Variants in DLG2 observed in about 807,000 individuals in gnomAD.
The protein encoded by DLG2 is disks large homolog 2.
In DLG2, 45 loss-of-function variants were observed where a neutral mutation model predicts 132.5. The ratio of observed to expected loss-of-function variants is 0.34; its 90% CI spans 0.27 to 0.44. The LOEUF is 0.44. Ranked by LOEUF, DLG2 falls within the 20% of genes least tolerant of loss-of-function variation. The pLI, the probability that DLG2 is intolerant of heterozygous loss-of-function variation, is 1.00. For synonymous variants in DLG2, 424 were observed against 419.6 expected, an observed-to-expected ratio of 1.01 and a Z score of -0.13; for missense variants, 1,045 against 1,196.9, an observed-to-expected ratio of 0.87 and a Z score of 1.87.
chr11:84,302,802 G>C (rs767866006), intron 7 of DLG2, among the ~76,000 whole-genome samples: 2 of 151,876 alleles, frequency 1.3e-5, no homozygotes, highest in Non-Finnish European at 2.9e-5. Flanking sequence ...AAAATAAAAC[G>C]TGGGCCAGGC....
chr11:83,765,316 G>T (rs1318216053), intron 18 of DLG2, among the ~76,000 whole-genome samples: 1 of 152,130 alleles, frequency 6.6e-6, no homozygotes, highest in East Asian at 1.9e-4. Context: ...AGAAATTACT[G>T]CTAGAGGAAT....
In DLG2 at chr11:84,821,647, AC is replaced by A. The variant is rs761945669; in HGVS notation, c.358-286917del. Among the ~76,000 whole-genome samples, 230 of 104,660 alleles carry A rather than the reference AC, an allele frequency of 2.2e-3. 1 individual carries two copies. Among genetic ancestry groups the A allele is most frequent in the Middle Eastern group, 0.015 (3 of 194 alleles). The allele number at this position is 104,660 out of a possible 152,430, so 68.7% of individuals were successfully genotyped here. A position where few individuals can be genotyped will look rare whatever the true frequency, so the allele number is the denominator to read the frequency against. ...CAATGTAAAAAAAAAAAAAACAACA[AC>A]AACAAAAAAAACAAAAAAACAACTT... On this transcript the variant is annotated intron_variant, in intron 6 of 27. Transcript: ENST00000376104.
rs550473299 is a variant in DLG2 at position 84,362,856 on chromosome 11, T to C, written c.520-111565A>G. Among the ~76,000 whole-genome samples the C allele has an allele frequency of 1.4e-4, 22 of 152,350 alleles. No homozygotes were observed. The South Asian group carries it at 4.6e-3, about 32-fold the overall frequency. On this transcript the variant is annotated intron_variant, in intron 7 of 27. Coordinates refer to ENST00000376104, the MANE Select transcript of DLG2 (RefSeq NM_001142699.3). Reference sequence around the variant, plus strand: ...ACATGAACTCATCATTTTTGATGGCTGCATAGTATTCCATGGTGTATATGT... The same window carrying C: ...ACATGAACTCATCATTTTTGATGGCCGCATAGTATTCCATGGTGTATATGT...
chr11:83,667,310 G>A (rs1216150443), intron 18 of DLG2, among the ~76,000 whole-genome samples: 2 of 152,076 alleles, frequency 1.3e-5, no homozygotes, highest in African/African-American at 2.4e-5. Context: ...TCCTACCTAC[G>A]CTTATTATAG....
intron 7 of DLG2, among the ~76,000 whole-genome samples, chr11:84,439,027 T>C (rs2099009666): frequency 6.6e-6 from 1 of 152,200 alleles, no homozygotes; most frequent in African/African-American, 2.4e-5. Flanking sequence ...AATACCCTCA[T>C]AGGCAATTGG....
At chr11:84,296,806 T>G (rs2098094793) in intron 7 of DLG2, among the ~76,000 whole-genome samples, 1 of 152,140 alleles carries the variant, frequency 6.6e-6, no homozygotes. Flanking sequence ...ATTTTTTCAG[T>G]AGGGTGAATT....
intron 9 of DLG2, among the ~76,000 whole-genome samples, chr11:84,116,984 C>G (rs776659669): frequency 6.6e-6 from 1 of 152,190 alleles, no homozygotes; most frequent in Non-Finnish European, 1.5e-5. Flanking sequence ...CCTAATCAAA[C>G]CCCAGTATTC....
At chr11:84,282,010 C>T (rs1170355523) in intron 7 of DLG2, among the ~76,000 whole-genome samples, 1 of 152,056 alleles carries the variant, frequency 6.6e-6, no homozygotes, top group African/African-American at 2.4e-5. Flanking sequence ...TGATTCTGCT[C>T]CTAGGCATTT....
chr11:85,055,657 C>T (rs1168159187), intron 6 of DLG2, among the ~76,000 whole-genome samples: 1 of 152,140 alleles, frequency 6.6e-6, no homozygotes, highest in Non-Finnish European at 1.5e-5. Context: ...ACACTATGTG[C>T]TGTTTATTTT....
chr11:83,668,068 T>TTA (rs2076031953), intron 18 of DLG2, among the ~76,000 whole-genome samples: 1 of 79,716 alleles, frequency 1.3e-5, no homozygotes, highest in Non-Finnish European at 2.5e-5. Context: ...GGAAATGAAG[T>TTA]AAAAAAAAAA....
chr11:84,819,055 C>G (rs1320802003), intron 6 of DLG2, among the ~76,000 whole-genome samples: 1 of 96,436 alleles, frequency 1.0e-5, no homozygotes, highest in African/African-American at 3.4e-5. Flanking sequence ...ATACACTGGC[C>G]CACACTCCCT....
intron 7 of DLG2, among the ~76,000 whole-genome samples, chr11:84,365,380 G>A (rs2098675690): frequency 1.3e-5 from 2 of 151,816 alleles, no homozygotes; most frequent in African/African-American, 2.4e-5. Flanking sequence ...ATTTTTTATT[G>A]CATCTATTTG....
intron 2 of DLG2, among the ~76,000 whole-genome samples, chr11:85,623,967 A>T (rs2081899940): frequency 6.6e-6 from 1 of 152,214 alleles, no homozygotes; most frequent in Admixed American, 6.5e-5. Context: ...ATTTTCACAA[A>T]TTAAAATATG....
At chr11:84,486,104 C>T (rs2099150163) in intron 7 of DLG2, among the ~76,000 whole-genome samples, 1 of 152,090 alleles carries the variant, frequency 6.6e-6, no homozygotes, top group Non-Finnish European at 1.5e-5. Flanking sequence ...ACCCCTGTCA[C>T]CTATAAGGGG....
rs77393731 is a variant in DLG2, at chr11:84,139,703, T to C, written c.624+23758A>G. Among the ~76,000 whole-genome samples, 408 of 152,128 alleles carry C rather than the reference T, an allele frequency of 2.7e-3. 15 individuals carry two copies. In the East Asian group the frequency reaches 0.075, roughly 28 times the overall value. On this transcript the variant is annotated intron_variant, in intron 9 of 27. Transcript: ENST00000376104. ...TCACAAAGCAGGTAAGTGTTAAAGC[T>C]ACAGTTTGATTTCAGGCTAAATGAC... is the stretch of plus-strand genomic sequence containing the variant.
At chr11:83,525,006 A>T (rs2095571579) in intron 21 of DLG2, among the ~76,000 whole-genome samples, 1 of 152,182 alleles carries the variant, frequency 6.6e-6, no homozygotes, top group Non-Finnish European at 1.5e-5. Flanking sequence ...TGCTTTGTGG[A>T]CCCAAGTGGC....
At chr11:85,376,598 T>G (rs1363949368) in intron 3 of DLG2, among the ~76,000 whole-genome samples, 1 of 152,218 alleles carries the variant, frequency 6.6e-6, no homozygotes, top group Non-Finnish European at 1.5e-5. Flanking sequence ...TATAATAAAC[T>G]TGGTTGTCCT....
At position 84,870,002 on chromosome 11, in the gene DLG2, C is replaced by G. The variant is rs535837730; in HGVS notation, c.357+241659G>C. Among the ~76,000 whole-genome samples the G allele has an allele frequency of 1.3e-3, 202 of 152,324 alleles. 1 individual carries two copies. Among genetic ancestry groups the G allele is most frequent in the African/African-American group, 4.5e-3 (188 of 41,564 alleles). ...ACAAAGATGGAAGGACTCAATTCCA[C>G]TGGCTTCCTGGTTTATTGCATGGGT... On this transcript the variant is annotated intron_variant, in intron 6 of 27. Coordinates refer to ENST00000376104, the MANE Select transcript of DLG2 (RefSeq NM_001142699.3).
intron 6 of DLG2, among the ~76,000 whole-genome samples, chr11:84,834,841 C>A (rs1185041990): frequency 1.3e-5 from 2 of 149,880 alleles, no homozygotes; most frequent in African/African-American, 2.4e-5. Flanking sequence ...CAAAGAATTT[C>A]TCCAGGGCAA....
Sources: gnomAD v4.1 joint callset for allele counts (sites outside exome capture counted in the v4.1 genomes callset) on GRCh38, gnomAD v4.1.1 for gene constraint, MANE v1.5 for transcripts, NCBI Gene and HGNC (gene_info 2026-07-23, HGNC 2026-07-21) for gene names.